Variants in LZTR1 observed in about 807,000 individuals in gnomAD.
The protein encoded by LZTR1 is leucine-zipper-like transcriptional regulator 1.
Under a neutral mutation model 105.7 loss-of-function variants are expected in LZTR1, and 260 were observed. The observed-to-expected ratio is 2.46, with a 90% confidence interval of 2.22 to 2.72. LZTR1 has a LOEUF of 2.72. Among genes scored for constraint, LZTR1 ranks in the 30% most tolerant of loss-of-function variants. The probability of loss-of-function intolerance (pLI) is 0.00; values close to 1 mark genes in which losing one functional copy is unlikely to be tolerated. For missense variants in LZTR1, 1,214 were observed against 1,166.9 expected (o/e 1.04, Z -0.59); for synonymous variants, 490 against 476.4 (o/e 1.03, Z -0.37).
chr22:20,988,838 C>G lies in LZTR1; in HGVS notation c.559C>G (p.Leu187Val). 1.2e-6 allele frequency: 2 copies of G among 1,614,164 alleles called. No homozygotes were observed. Among genetic ancestry groups the G allele is most frequent in the Non-Finnish European group, 1.7e-6 (2 of 1,180,020 alleles). Residue 187 changes from leucine to valine, a missense_variant, in exon 6 of 21, where the codon CTG (leucine) becomes GTG (valine). Physicochemically the swap from Leu to Val is conservative, Grantham distance 32 (BLOSUM62 1). Coordinates refer to ENST00000646124, the MANE Select transcript of LZTR1 (RefSeq NM_006767.4). ...AHGATVYSDK[L>V]WIFAGYDGNA... is the part of the protein sequence containing the mutation. Reference sequence around the variant, plus strand: ...TGGGGCCACGGTGTACAGTGACAAGCTGTGGATCTTTGCTGGCTATGACGG... The same window carrying G: ...TGGGGCCACGGTGTACAGTGACAAGGTGTGGATCTTTGCTGGCTATGACGG...
chr22:20,997,122 C>CTT (rs756549382), intron 20 of LZTR1, 110 bp from the exon 21 acceptor site: 59 of 1,123,388 alleles, frequency 5.3e-5, no homozygotes, highest in Non-Finnish European at 7.3e-5. Context: ...TTGCTTCATC[C>CTT]TTGGGACCAG....
At chr22:20,995,501 A>G (rs1251738955) in intron 16 of LZTR1, 1 of 688,308 alleles carries the variant, frequency 1.5e-6, no homozygotes, top group East Asian at 2.9e-5. Flanking sequence ...GAGGGGGTAC[A>G]GCAAGCTGGG....
chr22:20,993,935 C>A lies in LZTR1; in HGVS notation c.1365C>A (p.Cys455Ter), dbSNP rs1386837360. ...VEFVLGEKEE[C>*]VQGHVAIVTA... is the part of the protein sequence containing the mutation. ...CATTCTTTGTGCAGAAGGAGGAGTG[C>A]GTGCAGGGCCACGTAGCCATTGTCA... is the stretch of plus-strand genomic sequence containing the variant. The change falls in exon 13 of 21, where the codon TGC becomes TGA. Residue 455 changes from cysteine (C) to a stop codon, truncating the protein, a stop_gained. Transcript: ENST00000646124. LOFTEE classifies it high-confidence loss of function. 1.2e-6 allele frequency: 2 copies of A among 1,611,988 alleles called. No homozygotes were observed. The highest frequency in any genetic ancestry group is 2.2e-5 in the East Asian group (1 of 44,862).
At chr22:20,995,598 G>A in intron 16 of LZTR1, 148 bp from the exon 17 acceptor site, 3 of 965,956 alleles carry the variant, frequency 3.1e-6, no homozygotes, top group South Asian at 1.4e-5. Flanking sequence ...GAATGTGGCT[G>A]ATGGTACCTC....
chr22:20,994,441 G>C, intron 14 of LZTR1, 117 bp from the exon 15 acceptor site: 1 of 1,301,500 alleles, frequency 7.7e-7, no homozygotes, highest in South Asian at 1.3e-5. Flanking sequence ...TGAGTCCCCC[G>C]AGGCCTTGTT....
intron 6 of LZTR1, among the ~76,000 whole-genome samples, chr22:20,989,377 C>G (rs1924513955): frequency 6.6e-6 from 1 of 152,240 alleles, no homozygotes; most frequent in African/African-American, 2.4e-5. Flanking sequence ...GAGGAGCTGG[C>G]ACTGCCACAC....
At chr22:20,989,310 G>C (rs1924511971) in intron 6 of LZTR1, among the ~76,000 whole-genome samples, 1 of 152,258 alleles carries the variant, frequency 6.6e-6, no homozygotes. Flanking sequence ...TAACGATGCA[G>C]TGATGGTGGC....
intron 1 of LZTR1, 37 bp from the exon 2 acceptor site, chr22:20,982,990 G>T (rs759331067): frequency 2.9e-5 from 47 of 1,600,966 alleles, no homozygotes; most frequent in Non-Finnish European, 5.1e-6. Context: ...CCCCAGGAGG[G>T]TCCTGTCCTT....
rs746206940 is a variant in LZTR1, at chr22:20,997,384, G to T, written c.*36G>T. The T allele has an allele frequency of 1.4e-6, 2 of 1,460,640 alleles. No homozygotes were observed. Among genetic ancestry groups the T allele is most frequent in the Non-Finnish European group, 1.9e-6 (2 of 1,041,274 alleles). The allele number at this position is 1,460,640 out of a possible 1,614,324, so 90.5% of individuals were successfully genotyped here. A position where few individuals can be genotyped will look rare whatever the true frequency, so the allele number is the denominator to read the frequency against. ...CGCCTGCCCATTGTGAAGAATCGCC[G>T]TGCCTGCCTGCCCTGCCTACTGAGA... is the stretch of plus-strand genomic sequence containing the variant. On this transcript the variant is annotated 3_prime_UTR_variant, in exon 21 of 21. Coordinates refer to ENST00000646124, the MANE Select transcript of LZTR1 (RefSeq NM_006767.4).
Position 20,997,491 on chromosome 22 carries a change from A to T in LZTR1, c.*143A>T. Reference sequence around the variant, plus strand: ...CAGGGTGCCCAGAGCCTCCAAAGAGAGCTGAGGGGATGTGGGGCCCCAAAC... The same window carrying T: ...CAGGGTGCCCAGAGCCTCCAAAGAGTGCTGAGGGGATGTGGGGCCCCAAAC... On this transcript the variant is annotated 3_prime_UTR_variant, in exon 21 of 21. Transcript: ENST00000646124. The T allele has an allele frequency of 1.5e-6, 1 of 657,456 alleles. No homozygotes were observed. Among genetic ancestry groups the T allele is most frequent in the Non-Finnish European group, 2.7e-6 (1 of 376,354 alleles). 40.7% of individuals were successfully genotyped at this position (657,456 alleles called of 1,614,324 possible).
chr22:20,985,974 C>A, intron 3 of LZTR1, 77 bp downstream of exon 3: 1 of 1,430,382 alleles, frequency 7.0e-7, no homozygotes. Context: ...CAGTTGCTAG[C>A]AGAGTCTCTC....
In LZTR1 at chr22:20,990,390, C is replaced by T. The variant is rs775735290; in HGVS notation, c.656C>T (p.Ala219Val). 3 of 1,613,956 alleles carry T rather than the reference C, an allele frequency of 1.9e-6. No individual in the cohort carries two copies. The highest frequency in any genetic ancestry group is 1.3e-5 in the African/African-American group (1 of 74,910). The change falls in exon 8 of 21, where the codon GCC (alanine) becomes GTC (valine). Residue 219 changes from alanine to valine, a missense_variant. Ala to Val is a moderately conservative substitution (Grantham distance 64). Transcript: ENST00000646124. ...AGCTGTCCTCTCCCCCTGCAGGTGG[C>T]CCAGAGTGGCGAGATCCCCCCATCT... ...DRELTCWEEV[A>V]QSGEIPPSCC...
Position 20,989,909 on chromosome 22 carries a change from A to G in LZTR1, c.651+227A>G, listed in dbSNP as rs114382769. 9.1e-3 allele frequency among the ~76,000 whole-genome samples: 1,386 copies of G among 152,224 alleles called. 23 individuals carry two copies. The highest frequency in any genetic ancestry group is 0.032 in the African/African-American group (1,315 of 41,516). On this transcript the variant is annotated intron_variant, in intron 7 of 20. Transcript: ENST00000646124. ...TGGTGACCTGCGGGCCTTCACGACC[A>G]GTTCCTCACTGTGGCTGCACAGTGA...
Position 20,992,284 on chromosome 22 carries a change from G to T in LZTR1, c.1064G>T (p.Arg355Leu), listed in dbSNP as rs1169088155. Residue 355 changes from arginine (R) to leucine (L), a missense_variant, in exon 10 of 21, where the codon CGG (arginine) becomes CTG (leucine). By Grantham distance (102) the Arg-to-Leu change is moderately radical (BLOSUM62 -2). Coordinates refer to ENST00000646124, the MANE Select transcript of LZTR1 (RefSeq NM_006767.4). The part of the protein sequence containing the change: ...EEVPTLTYEE[R>L]VGFKKSRDVF... ...GTGCCCACCCTGACCTATGAGGAGC[G>T]GGTTGGCTTCAAGAAGTCCCGAGAT... is the stretch of plus-strand genomic sequence containing the variant. 6 of 1,613,954 alleles carry T rather than the reference G, an allele frequency of 3.7e-6. No individual in the cohort carries two copies. The highest frequency in any genetic ancestry group is 5.1e-6 in the Non-Finnish European group (6 of 1,179,950).
At chr22:20,997,196 C>A in intron 20 of LZTR1, 36 bp from the exon 21 acceptor site, 1 of 1,408,606 alleles carries the variant, frequency 7.1e-7, no homozygotes, top group Non-Finnish European at 1.0e-6. Flanking sequence ...TTAGGTGGAT[C>A]TGGTCCCATC....
intron 3 of LZTR1, 73 bp downstream of exon 3, chr22:20,985,970 C>G: frequency 6.9e-7 from 1 of 1,451,020 alleles, no homozygotes; most frequent in South Asian, 1.1e-5. Flanking sequence ...GTCCCAGTTG[C>G]TAGCAGAGTC....
intron 11 of LZTR1, among the ~76,000 whole-genome samples, chr22:20,993,148 C>T (rs985067056): frequency 7.2e-5 from 11 of 152,196 alleles, no homozygotes; most frequent in African/African-American, 1.2e-4. Context: ...TGGAGGGAGC[C>T]GGGCCAAGCT....
Position 20,994,853 on chromosome 22 carries a change from G to A in LZTR1, c.1786-17G>A, listed in dbSNP as rs372682080. 1.2e-6 allele frequency: 2 copies of A among 1,612,548 alleles called. No homozygotes were observed. The highest frequency in any genetic ancestry group is 2.7e-5 in the African/African-American group (2 of 74,922). ...CTGGCTTGACTCTGCCTGCCTGCCT[G>A]TGCCTGTCTGCCCCAGGAGCACTGC... On this transcript the variant is annotated splice_polypyrimidine_tract_variant and intron_variant, in intron 15 of 20. Transcript: ENST00000646124.
At chr22:20,993,903 A>C (rs373399489) in intron 12 of LZTR1, 21 bp from the exon 13 acceptor site, 1 of 1,606,398 alleles carries the variant, frequency 6.2e-7, no homozygotes, top group South Asian at 1.1e-5. Context: ...GCCCTCTGCC[A>C]GTGCATCATT....
Sources: gnomAD v4.1 joint callset for allele counts (sites outside exome capture counted in the v4.1 genomes callset) on GRCh38, gnomAD v4.1.1 for gene constraint, MANE v1.5 for transcripts, NCBI Gene and HGNC (gene_info 2026-07-23, HGNC 2026-07-21) for gene names.